SLC35F4: variants seen among roughly 807,000 people sequenced by gnomAD.
SLC35F4 encodes the protein solute carrier family 35 member F4.
SLC35F4 carries 24 observed loss-of-function variants against 44.2 expected under a neutral mutation model. That is an observed-to-expected ratio of 0.54 (90% CI 0.39 to 0.76). The LOEUF (loss-of-function observed/expected upper bound fraction) is 0.76, where lower values mean the gene tolerates loss of function less well. SLC35F4 is among the 30% of genes least tolerant of loss of function. The pLI is 0.00. For missense variants in SLC35F4, 562 were observed against 586.1 expected, an observed-to-expected ratio of 0.96 and a Z score of 0.42; for synonymous variants, 238 against 223.6, an observed-to-expected ratio of 1.06 and a Z score of -0.57.
intron 1 of SLC35F4, among the ~76,000 whole-genome samples, chr14:57,618,700 C>A (rs923270759): frequency 6.6e-6 from 1 of 152,208 alleles, no homozygotes; most frequent in Non-Finnish European, 1.5e-5. Flanking sequence ...ACCACTCACT[C>A]CCCTGGAAAG....
At chr14:57,860,382 G>A (rs963858854) in intron 1 of SLC35F4, among the ~76,000 whole-genome samples, 2 of 152,182 alleles carry the variant, frequency 1.3e-5, no homozygotes, top group Admixed American at 6.5e-5. Context: ...GAGAGGCGAA[G>A]TAAATGCACT....
upstream of SLC35F4, among the ~76,000 whole-genome samples, chr14:57,866,918 C>T (rs950029646): frequency 2.7e-5 from 4 of 150,216 alleles, no homozygotes; most frequent in Non-Finnish European, 4.4e-5. Flanking sequence ...GCAGTGGAGA[C>T]GATTCCTCTG....
At chr14:57,590,698 G>A (rs929140155) in intron 2 of SLC35F4, among the ~76,000 whole-genome samples, 2 of 152,176 alleles carry the variant, frequency 1.3e-5, no homozygotes, top group African/African-American at 2.4e-5. Context: ...GAGTCCCTGA[G>A]CTGAGATCCC....
chr14:57,622,945 C>T (rs1332881899), intron 1 of SLC35F4, among the ~76,000 whole-genome samples: 1 of 152,054 alleles, frequency 6.6e-6, no homozygotes, highest in East Asian at 1.9e-4. Context: ...ATGACAGGAT[C>T]GACTTCACAC....
intron 1 of SLC35F4, among the ~76,000 whole-genome samples, chr14:57,666,996 T>C (rs2074332178): frequency 6.6e-6 from 1 of 152,050 alleles, no homozygotes; most frequent in African/African-American, 2.4e-5. Context: ...GAGCTATGAA[T>C]TATTCTGTGG....
intron 1 of SLC35F4, among the ~76,000 whole-genome samples, chr14:57,744,383 G>A (rs1391997450): frequency 6.6e-6 from 1 of 152,124 alleles, no homozygotes; most frequent in Non-Finnish European, 1.5e-5. Context: ...CAAAGTCTCA[G>A]GATACAAAAT....
intron 1 of SLC35F4, among the ~76,000 whole-genome samples, chr14:57,929,218 T>C (rs1337831271): frequency 6.6e-6 from 1 of 152,220 alleles, no homozygotes; most frequent in East Asian, 1.9e-4. Context: ...CAAATTGTTC[T>C]ATTACCTTGG....
chr14:57,594,441 AT>A (rs1287873110), intron 1 of SLC35F4, among the ~76,000 whole-genome samples: 2 of 151,790 alleles, frequency 1.3e-5, no homozygotes, highest in Non-Finnish European at 2.9e-5. Flanking sequence ...AGTAAAATAT[AT>A]GGTAGCAACA....
At chr14:57,938,168 T>A (rs936191843) in intron 1 of SLC35F4, among the ~76,000 whole-genome samples, 6 of 152,054 alleles carry the variant, frequency 3.9e-5, no homozygotes, top group Admixed American at 1.3e-4. Flanking sequence ...TAGAGATATA[T>A]CCTAGGACAT....
intron 1 of SLC35F4, among the ~76,000 whole-genome samples, chr14:57,757,884 G>C (rs972133373): frequency 5.3e-5 from 8 of 151,940 alleles, no homozygotes; most frequent in Admixed American, 4.6e-4. Context: ...TTTTTCTTCT[G>C]TTAGAGTCCC....
At chr14:57,791,995 A>G (rs1052037010) in intron 1 of SLC35F4, among the ~76,000 whole-genome samples, 5 of 152,070 alleles carry the variant, frequency 3.3e-5, no homozygotes, top group African/African-American at 4.8e-5. Flanking sequence ...GGATAGCATT[A>G]GAGAAATACC....
intron 1 of SLC35F4, among the ~76,000 whole-genome samples, chr14:57,625,970 C>T (rs1351630680): frequency 1.3e-5 from 2 of 152,032 alleles, no homozygotes; most frequent in Non-Finnish European, 2.9e-5. Flanking sequence ...GGCACATATA[C>T]ACCATGGAAT....
chr14:57,695,049 C>T (rs1810207347), intron 1 of SLC35F4, among the ~76,000 whole-genome samples: 2 of 152,022 alleles, frequency 1.3e-5, no homozygotes, highest in Admixed American at 1.3e-4. Flanking sequence ...AAATGTTAGA[C>T]CTAAAACCAT....
chr14:57,909,591 T>C (rs1889176715), intron 1 of SLC35F4, among the ~76,000 whole-genome samples: 1 of 151,522 alleles, frequency 6.6e-6, no homozygotes, highest in African/African-American at 2.4e-5. Flanking sequence ...CACAGATCGG[T>C]TTCTTTTCAT....
chr14:57,806,122 G>A (rs900866370), intron 1 of SLC35F4, among the ~76,000 whole-genome samples: 10 of 151,816 alleles, frequency 6.6e-5, no homozygotes, highest in Non-Finnish European at 1.2e-4. Flanking sequence ...TTCCATTTTT[G>A]TATGCCTCCT....
intron 3 of SLC35F4, among the ~76,000 whole-genome samples, chr14:57,583,015 T>C (rs980889627): frequency 6.6e-6 from 1 of 152,230 alleles, no homozygotes; most frequent in Non-Finnish European, 1.5e-5. Context: ...ACACAGAAAC[T>C]TGTATTGAAA....
intron 1 of SLC35F4, among the ~76,000 whole-genome samples, chr14:57,963,617 C>T (rs1009346105): frequency 6.6e-6 from 1 of 151,498 alleles, no homozygotes; most frequent in Non-Finnish European, 1.5e-5. Flanking sequence ...GCTCACAGCA[C>T]GTGGAACTGT....
At chr14:57,798,079 G>A (rs1173868083) in intron 1 of SLC35F4, among the ~76,000 whole-genome samples, 5 of 127,172 alleles carry the variant, frequency 3.9e-5, no homozygotes, top group Non-Finnish European at 6.2e-5. Context: ...GCCAAGACCA[G>A]CTGAGCCTAG....
intron 1 of SLC35F4, among the ~76,000 whole-genome samples, chr14:57,766,792 A>T (rs2077246000): frequency 6.6e-6 from 1 of 152,238 alleles, no homozygotes; most frequent in South Asian, 2.1e-4. Flanking sequence ...ATAAAAACAA[A>T]TATTGCCTTC....
Sources: gnomAD v4.1 joint callset for allele counts (sites outside exome capture counted in the v4.1 genomes callset) on GRCh38, gnomAD v4.1.1 for gene constraint, MANE v1.5 for transcripts, NCBI Gene and HGNC (gene_info 2026-07-23, HGNC 2026-07-21) for gene names.